C10orf53: variants seen among roughly 807,000 people sequenced by gnomAD.
C10orf53 encodes the protein chromosome 10 open reading frame 53, also known as UPF0728 protein C10orf53.
Under a neutral mutation model 9.4 loss-of-function variants are expected in C10orf53, and 8 were observed. The observed-to-expected ratio is 0.85, with a 90% CI of 0.50 to 1.53. The LOEUF (loss-of-function observed/expected upper bound fraction) is 1.53, where lower values mean the gene tolerates loss of function less well. Ranked by LOEUF, C10orf53 falls within the 40% of genes most tolerant of loss-of-function variation. C10orf53 has a pLI of 0.00. For missense variants in C10orf53, 117 were observed against 117.8 expected (o/e 0.99, Z 0.03); for synonymous variants, 48 against 46.0 (o/e 1.04, Z -0.18).
At chr10:49,688,561 C>T (rs1840551517) in intron 1 of C10orf53, among the ~76,000 whole-genome samples, 1 of 151,742 alleles carries the variant, frequency 6.6e-6, no homozygotes, top group African/African-American at 2.4e-5. Flanking sequence ...GCCCCCAGCT[C>T]ACTCAGGGGA....
In C10orf53 at chr10:49,679,704, A is replaced by G. The variant is rs2132871733; in HGVS notation, c.7A>G (p.Lys3Glu). 6.5e-7 allele frequency: 1 copy of G among 1,546,904 alleles called. No homozygotes were observed. Among genetic ancestry groups the G allele is most frequent in the East Asian group, 2.5e-5 (1 of 40,460 alleles). The change falls in exon 1 of 3, where the codon AAG becomes GAG. Residue 3 changes from lysine to glutamate, a missense_variant. By Grantham distance (56) the Lys-to-Glu change is moderately conservative. Transcript: ENST00000374111. ...CGGCGGCGGAGGCCTGGCGATGCCC[A>G]AGAACGCAGTGGTCATCCTGCGCTA... MPKNAVVILRYGP... is the reference protein window; with the variant it reads MPENAVVILRYGP...
At chr10:49,692,072 C>T (rs1053332671) in intron 1 of C10orf53, among the ~76,000 whole-genome samples, 3 of 152,202 alleles carry the variant, frequency 2.0e-5, no homozygotes, top group Non-Finnish European at 4.4e-5. Flanking sequence ...CCAGAAATCT[C>T]TGCCCATGGA....
At chr10:49,706,548 T>TGGTTG (rs1477869425) in intron 2 of C10orf53, among the ~76,000 whole-genome samples, 1 of 152,186 alleles carries the variant, frequency 6.6e-6, no homozygotes, top group Non-Finnish European at 1.5e-5. Flanking sequence ...AGTGGATTAG[T>TGGTTG]GGTTGCACAG....
At position 49,704,680 on chromosome 10, in the gene C10orf53, GTTGCAGTGAGTCGAGA is replaced by G. The variant is rs1195755156; in HGVS notation, c.218-3675_218-3660del. 8.5e-5 allele frequency among the ~76,000 whole-genome samples: 13 copies of G among 152,270 alleles called. No individual in the cohort carries two copies. The East Asian group carries it at 2.5e-3, about 29-fold the overall frequency. ...AATTGCTTGAACCCAGGAGGCAGAG[GTTGCAGTGAGTCGAGA>G]TTGCACCACTGCACTCCACCCTGGG... On this transcript the variant is annotated intron_variant, in intron 2 of 2. Coordinates refer to the C10orf53 transcript ENST00000374112.
At chr10:49,690,913 A>G (rs1840578253) in intron 1 of C10orf53, among the ~76,000 whole-genome samples, 1 of 152,156 alleles carries the variant, frequency 6.6e-6, no homozygotes, top group African/African-American at 2.4e-5. Flanking sequence ...TCATTCGCAG[A>G]TGCTGTGCAG....
intron 1 of C10orf53, among the ~76,000 whole-genome samples, chr10:49,689,754 C>T (rs150181042): frequency 3.2e-4 from 48 of 152,174 alleles, no homozygotes; most frequent in African/African-American, 9.9e-4. Context: ...AAGCATTGTC[C>T]TGAATGCCAT....
At chr10:49,688,239 C>T (rs1840547749) in intron 1 of C10orf53, among the ~76,000 whole-genome samples, 1 of 151,946 alleles carries the variant, frequency 6.6e-6, no homozygotes, top group African/African-American at 2.4e-5. Context: ...CTTGCAGTTT[C>T]TCAGGCCAGA....
At chr10:49,686,308 A>C (rs1215404204) in intron 1 of C10orf53, among the ~76,000 whole-genome samples, 1 of 152,154 alleles carries the variant, frequency 6.6e-6, no homozygotes, top group Non-Finnish European at 1.5e-5. Context: ...TATCTTCATA[A>C]ACTGAGAATG....
chr10:49,699,669 C>T (rs567711451), downstream of C10orf53, among the ~76,000 whole-genome samples: 5 of 152,248 alleles, frequency 3.3e-5, no homozygotes, highest in South Asian at 2.1e-4. Context: ...TTAATTCCAC[C>T]GTCACCCTTC....
At chr10:49,691,528 G>A (rs1840583677) in intron 1 of C10orf53, among the ~76,000 whole-genome samples, 1 of 152,236 alleles carries the variant, frequency 6.6e-6, no homozygotes, top group Non-Finnish European at 1.5e-5. Flanking sequence ...CAACCCTGTA[G>A]AGGGCAGAGT....
In C10orf53 at chr10:49,695,981, A is replaced by G. The variant is rs1840630913; in HGVS notation, c.*1379A>G. 1.3e-5 allele frequency: 2 copies of G among 152,230 alleles called. No homozygotes were observed. Among genetic ancestry groups the G allele is most frequent in the South Asian group, 4.1e-4 (2 of 4,832 alleles). The allele number at this position is 152,230 out of a possible 1,614,324, so 9.4% of individuals were successfully genotyped here. ...TAACATTTTACTACAAGAGAAATCC[A>G]TTCTCATTAAAGAAAAATGGAAAAA... On this transcript the variant is annotated 3_prime_UTR_variant, in exon 3 of 3. Coordinates refer to ENST00000374111, the MANE Select transcript of C10orf53 (RefSeq NM_001042427.3).
At chr10:49,700,723 A>T (rs1034936637), downstream of C10orf53, among the ~76,000 whole-genome samples, 2 of 152,170 alleles carry the variant, frequency 1.3e-5, no homozygotes, top group Non-Finnish European at 2.9e-5. Context: ...GGAAGAGAAT[A>T]TACTCCCAGG....
chr10:49,692,660 T>C (rs1460796680), intron 1 of C10orf53, among the ~76,000 whole-genome samples: 2 of 152,222 alleles, frequency 1.3e-5, no homozygotes, highest in Non-Finnish European at 2.9e-5. Context: ...CTAATATTGA[T>C]GTTATGGGTT....
chr10:49,689,611 C>A (rs751433998), intron 1 of C10orf53, among the ~76,000 whole-genome samples: 9 of 152,010 alleles, frequency 5.9e-5, no homozygotes, highest in Admixed American at 2.0e-4. Flanking sequence ...AAATTGGAAA[C>A]AATCAGAAAA....
chr10:49,680,637 T>G (rs1408412018), intron 1 of C10orf53, among the ~76,000 whole-genome samples: 1 of 152,186 alleles, frequency 6.6e-6, no homozygotes, highest in Admixed American at 6.5e-5. Context: ...GTTGCTGCTC[T>G]GAGGAGAACA....
At chr10:49,681,750 C>T (rs1177875619) in intron 1 of C10orf53, among the ~76,000 whole-genome samples, 2 of 152,110 alleles carry the variant, frequency 1.3e-5, no homozygotes, top group Non-Finnish European at 2.9e-5. Flanking sequence ...ATGGGGAGAG[C>T]GGGGAGCAAG....
rs1840626904 is a variant in C10orf53 at position 49,695,543 on chromosome 10, A to G, written c.*941A>G. ...CCCGGGGCACCTGTGCTGAAGGAGC[A>G]GGGCTTTCAGGATCGCTCAGAGACC... On this transcript the variant is annotated 3_prime_UTR_variant, in exon 3 of 3. Coordinates refer to ENST00000374111, the MANE Select transcript of C10orf53 (RefSeq NM_001042427.3). The G allele has an allele frequency of 6.6e-6, 1 of 152,232 alleles. No individual in the cohort carries two copies. Among genetic ancestry groups the G allele is most frequent in the African/African-American group, 2.4e-5 (1 of 41,452 alleles). 9.4% of individuals were successfully genotyped at this position (152,232 alleles called of 1,614,324 possible). A position where few individuals can be genotyped will look rare whatever the true frequency, so the allele number is the denominator to read the frequency against.
At chr10:49,708,379 G>T in exon 3 of C10orf53, 2 of 1,614,124 alleles carry the variant, frequency 1.2e-6, no homozygotes. Context: ...ACCCCAAGTA[G>T]TGACAAGAGG....
chr10:49,705,143 T>C lies in C10orf53; in HGVS notation c.218-3218T>C, dbSNP rs1840714233. 2.6e-5 allele frequency among the ~76,000 whole-genome samples: 4 copies of C among 152,152 alleles called. No homozygotes were observed. In the South Asian group the frequency reaches 6.2e-4, roughly 24 times the overall value. On this transcript the variant is annotated intron_variant, in intron 2 of 2. Transcript: ENST00000374112. ...TTATGGAAAGCTCTCTAAAATATAT[T>C]GCTAAGGTCAAAAAAGTATGGTGTG... is the stretch of plus-strand genomic sequence containing the variant.
Sources: gnomAD v4.1 joint callset for allele counts (sites outside exome capture counted in the v4.1 genomes callset) on GRCh38, gnomAD v4.1.1 for gene constraint, MANE v1.5 for transcripts, NCBI Gene and HGNC (gene_info 2026-07-23, HGNC 2026-07-21) for gene names.